The following NXPH1 variants were observed in gnomAD, a reference collection of about 807,000 sequenced individuals.
NXPH1 encodes neurexophilin 1, also known as neurexophilin-1.
NXPH1 carries 5 observed loss-of-function variants against 23.7 expected under a neutral mutation model. The observed-to-expected ratio is 0.21, with a 90% CI of 0.11 to 0.44. The LOEUF is 0.44. NXPH1 is among the 20% of genes least tolerant of loss of function. The pLI is 0.99. For synonymous variants in NXPH1, 144 were observed against 122.2 expected, an observed-to-expected ratio of 1.18 and a Z score of -1.18; for missense variants, 324 against 321.6, an observed-to-expected ratio of 1.01 and a Z score of -0.06.
At chr7:8,457,442 G>T (rs1208707255) in intron 2 of NXPH1, among the ~76,000 whole-genome samples, 1 of 152,066 alleles carries the variant, frequency 6.6e-6, no homozygotes, top group Non-Finnish European at 1.5e-5. Flanking sequence ...AGCTAGGCCT[G>T]GAGGCCCACA....
chr7:8,734,351 A>G (rs1275500427), intron 2 of NXPH1, among the ~76,000 whole-genome samples: 3 of 152,192 alleles, frequency 2.0e-5, no homozygotes, highest in Non-Finnish European at 4.4e-5. Flanking sequence ...TGTCTTGGCT[A>G]TACGGGCTCT....
intron 2 of NXPH1, among the ~76,000 whole-genome samples, chr7:8,747,154 T>A (rs950568394): frequency 5.3e-5 from 8 of 152,120 alleles, no homozygotes; most frequent in Non-Finnish European, 7.4e-5. Context: ...AGAGAAACAG[T>A]GAAGCTTAAA....
chr7:8,529,603 C>T (rs1817920729), intron 2 of NXPH1, among the ~76,000 whole-genome samples: 1 of 152,058 alleles, frequency 6.6e-6, no homozygotes, highest in South Asian at 2.1e-4. Context: ...CTTGGCTTTG[C>T]CAGTTATTAA....
At chr7:8,538,434 A>G (rs1407164681) in intron 2 of NXPH1, among the ~76,000 whole-genome samples, 2 of 151,860 alleles carry the variant, frequency 1.3e-5, no homozygotes, top group Admixed American at 6.6e-5. Flanking sequence ...CTAAATTCTG[A>G]TATTCTCTTT....
chr7:8,464,311 C>T (rs1248201199), intron 2 of NXPH1, among the ~76,000 whole-genome samples: 1 of 152,158 alleles, frequency 6.6e-6, no homozygotes, highest in Non-Finnish European at 1.5e-5. Flanking sequence ...ATCATTTTCA[C>T]TCTTTTAGGA....
intron 2 of NXPH1, among the ~76,000 whole-genome samples, chr7:8,469,236 T>C (rs1192568145): frequency 6.6e-6 from 1 of 151,898 alleles, no homozygotes; most frequent in East Asian, 1.9e-4. Flanking sequence ...AAATTTAAAT[T>C]CTTGGACTAT....
intron 2 of NXPH1, among the ~76,000 whole-genome samples, chr7:8,571,959 T>C (rs1000402472): frequency 3.3e-5 from 5 of 151,652 alleles, no homozygotes; most frequent in African/African-American, 9.7e-5. Flanking sequence ...TGAGTTGAAA[T>C]GAAATGCTAC....
intron 2 of NXPH1, among the ~76,000 whole-genome samples, chr7:8,729,823 T>G (rs1173305456): frequency 6.6e-6 from 1 of 151,958 alleles, no homozygotes; most frequent in Non-Finnish European, 1.5e-5. Flanking sequence ...TCTGTTGATT[T>G]GGGGTGGAGA....
At chr7:8,449,660 C>T (rs1348533698) in intron 2 of NXPH1, among the ~76,000 whole-genome samples, 2 of 152,194 alleles carry the variant, frequency 1.3e-5, no homozygotes, top group Non-Finnish European at 2.9e-5. Flanking sequence ...CAGTCTTATT[C>T]TTGACCAGGG....
At chr7:8,716,739 A>G (rs1291152486) in intron 2 of NXPH1, among the ~76,000 whole-genome samples, 1 of 152,206 alleles carries the variant, frequency 6.6e-6, no homozygotes, top group African/African-American at 2.4e-5. Flanking sequence ...AAAAACCTGC[A>G]GGGAATATTT....
intron 2 of NXPH1, among the ~76,000 whole-genome samples, chr7:8,490,269 G>T (rs1817227286): frequency 6.6e-6 from 1 of 152,032 alleles, no homozygotes; most frequent in Non-Finnish European, 1.5e-5. Context: ...AAACACAGGA[G>T]AGATTAAAAG....
intron 2 of NXPH1, among the ~76,000 whole-genome samples, chr7:8,536,577 A>G (rs1818029429): frequency 6.7e-6 from 1 of 149,878 alleles, no homozygotes; most frequent in Non-Finnish European, 1.5e-5. Context: ...TATAAACTAC[A>G]GAAAGGAGGC....
chr7:8,664,987 G>T (rs534020060), intron 2 of NXPH1, among the ~76,000 whole-genome samples: 1 of 151,898 alleles, frequency 6.6e-6, no homozygotes, highest in African/African-American at 2.4e-5. Context: ...TCTTCACTCT[G>T]TCAATTCTTT....
At chr7:8,642,629 G>T (rs1364511689) in intron 2 of NXPH1, among the ~76,000 whole-genome samples, 1 of 151,426 alleles carries the variant, frequency 6.6e-6, no homozygotes. Context: ...TAATTTTTTT[G>T]TTGATTTTCT....
chr7:8,552,905 C>T (rs767131246), intron 2 of NXPH1, among the ~76,000 whole-genome samples: 37 of 151,446 alleles, frequency 2.4e-4, no homozygotes, highest in Non-Finnish European at 4.6e-4. Context: ...TTAAAAGATG[C>T]AGGTATTAAT....
chr7:8,502,291 T>C (rs1323514314), intron 2 of NXPH1, among the ~76,000 whole-genome samples: 2 of 152,056 alleles, frequency 1.3e-5, no homozygotes, highest in African/African-American at 4.8e-5. Flanking sequence ...GGAAAGCAAA[T>C]ATTAGTTTTT....
rs139769816 is a variant in NXPH1 at position 8,547,775 on chromosome 7, GTTCAC to G, written c.54+112011_54+112015del. The stretch of plus-strand genomic sequence containing the variant: ...TATTTGATTTTATGTTTCTGAGTGA[GTTCAC>G]TTAGCATAATGACCTCCACCTCCAT... On this transcript the variant is annotated intron_variant, in intron 2 of 2. Transcript: ENST00000405863. Among the ~76,000 whole-genome samples, 11 of 151,540 alleles carry G rather than the reference GTTCAC, an allele frequency of 7.3e-5. No individual in the cohort carries two copies. In the East Asian group the frequency reaches 2.2e-3, roughly 30 times the overall value.
chr7:8,642,403 CT>C (rs933614993), intron 2 of NXPH1, among the ~76,000 whole-genome samples: 1 of 152,074 alleles, frequency 6.6e-6, no homozygotes, highest in African/African-American at 2.4e-5. Flanking sequence ...TTAAGACTTT[CT>C]TTTTAAATCA....
intron 2 of NXPH1, among the ~76,000 whole-genome samples, chr7:8,643,247 G>C (rs1005878245): frequency 6.6e-6 from 1 of 151,780 alleles, no homozygotes; most frequent in African/African-American, 2.4e-5. Flanking sequence ...GTACATTTTC[G>C]CTATTTTATC....
Sources: gnomAD v4.1 joint callset for allele counts (sites outside exome capture counted in the v4.1 genomes callset) on GRCh38, gnomAD v4.1.1 for gene constraint, MANE v1.5 for transcripts, NCBI Gene and HGNC (gene_info 2026-07-23, HGNC 2026-07-21) for gene names.